Variants in FAAH2 observed in about 807,000 individuals in gnomAD.
FAAH2 encodes the protein fatty acid amide hydrolase 2.
FAAH2 carries 60 observed loss-of-function variants against 36.9 expected under a neutral mutation model. The ratio of observed to expected loss-of-function variants is 1.63; its 90% CI spans 1.32 to 2.02. The LOEUF (loss-of-function observed/expected upper bound fraction) is 2.02. FAAH2 is among the 30% of genes most tolerant of loss of function. The pLI, the probability that FAAH2 is intolerant of heterozygous loss-of-function variation, is 0.00. For missense variants in FAAH2, 689 were observed against 397.5 expected (o/e 1.73, Z -6.23); for synonymous variants, 214 against 143.8 (o/e 1.49, Z -3.49).
chrX:57,313,133 G>T (rs774728244), intron 3 of FAAH2, among the ~76,000 whole-genome samples: 1 of 91,847 alleles, frequency 1.1e-5, no homozygotes, highest in African/African-American at 3.8e-5. Flanking sequence ...GCTGAGGAAA[G>T]AATCCAATCC....
the FAAH2 span, among the ~76,000 whole-genome samples, chrX:57,258,084 G>A: frequency 2.7e-5 from 3 of 111,549 alleles, no homozygotes; most frequent in East Asian, 2.8e-4. Context: ...CATGGTACTG[G>A]CATAAAAACA....
chrX:57,257,211 T>C, the FAAH2 span, among the ~76,000 whole-genome samples: 1 of 112,201 alleles, frequency 8.9e-6, no homozygotes, highest in Non-Finnish European at 1.9e-5. Flanking sequence ...CAAACAATTA[T>C]AAATCATTTT....
At chrX:57,236,562 T>C in the FAAH2 span, among the ~76,000 whole-genome samples, 1 of 112,183 alleles carries the variant, frequency 8.9e-6, no homozygotes, top group Admixed American at 9.4e-5. Context: ...TATCTCATTG[T>C]GGTTTTGATT....
At chrX:57,268,066 G>A in the FAAH2 span, among the ~76,000 whole-genome samples, 3 of 111,990 alleles carry the variant, frequency 2.7e-5, no homozygotes, top group Admixed American at 9.5e-5. Context: ...AGCTATAGGA[G>A]TACACTGTAA....
intron 7 of FAAH2, among the ~76,000 whole-genome samples, chrX:57,399,675 C>T (rs1402811418): frequency 8.9e-6 from 1 of 112,115 alleles, no homozygotes; most frequent in Non-Finnish European, 1.9e-5. Flanking sequence ...GATTTCTGTG[C>T]AGCCAATAAT....
At chrX:57,200,513 G>A in the FAAH2 span, among the ~76,000 whole-genome samples, 1 of 109,677 alleles carries the variant, frequency 9.1e-6, no homozygotes, top group Admixed American at 9.7e-5. Context: ...CGAATAGCTG[G>A]AATTACAGGC....
chrX:57,185,037 G>A, the FAAH2 span, among the ~76,000 whole-genome samples: 1 of 111,029 alleles, frequency 9.0e-6, no homozygotes, highest in Non-Finnish European at 1.9e-5. Flanking sequence ...CATCAGTAAA[G>A]TGGGGTATCC....
chrX:57,452,394 T>C, intron 10 of FAAH2: 1 of 710,389 alleles, frequency 1.4e-6, no homozygotes, highest in South Asian at 7.2e-5. Context: ...CAGCATTCTT[T>C]TTCTCTGAGA....
the FAAH2 span, among the ~76,000 whole-genome samples, chrX:57,182,103 G>A: frequency 8.9e-6 from 1 of 112,045 alleles, no homozygotes; most frequent in East Asian, 2.8e-4. Flanking sequence ...AGACTGAAGT[G>A]TAAAAACAAA....
chrX:57,140,221 G>C, the FAAH2 span, among the ~76,000 whole-genome samples: 1 of 110,000 alleles, frequency 9.1e-6, no homozygotes, highest in African/African-American at 3.3e-5. Context: ...CTTAGTTACA[G>C]TTCGTTTTTG....
At chrX:57,488,540 A>T (rs1042666822) in intron 10 of FAAH2, among the ~76,000 whole-genome samples, 8 of 111,710 alleles carry the variant, frequency 7.2e-5, no homozygotes, top group African/African-American at 2.6e-4. Flanking sequence ...CAGTCATTTC[A>T]TCAGAAAAAT....
At chrX:57,384,675 A>ACTCTC (rs2147243348) in intron 7 of FAAH2, among the ~76,000 whole-genome samples, 1 of 111,142 alleles carries the variant, frequency 9.0e-6, no homozygotes, top group South Asian at 3.9e-4. Context: ...TCAGGAAACA[A>ACTCTC]CAGGTGCTGG....
intron 10 of FAAH2, among the ~76,000 whole-genome samples, chrX:57,450,311 C>T (rs981856907): frequency 2.7e-5 from 3 of 109,724 alleles, no homozygotes; most frequent in African/African-American, 1.0e-4. Flanking sequence ...AAATTCTATA[C>T]ATTATCTCAT....
chrX:57,149,740 T>C, the FAAH2 span, among the ~76,000 whole-genome samples: 1 of 111,791 alleles, frequency 8.9e-6, no homozygotes, highest in Admixed American at 9.5e-5. Flanking sequence ...TGAAGGGATT[T>C]TTTTTTGTCT....
the FAAH2 span, among the ~76,000 whole-genome samples, chrX:57,243,304 G>A: frequency 2.7e-5 from 3 of 112,009 alleles, no homozygotes; most frequent in East Asian, 8.5e-4. Context: ...ACCTGGGAAA[G>A]GGGTGGCTGT....
chrX:57,248,212 A>G, the FAAH2 span, among the ~76,000 whole-genome samples: 2 of 112,333 alleles, frequency 1.8e-5, no homozygotes. Context: ...GCAAAATTGT[A>G]AGTGGAAACA....
rs2054768620 is a variant in FAAH2, at chrX:57,379,154, C to G, written c.878+368C>G. On this transcript the variant is annotated intron_variant, in intron 6 of 10. Transcript: ENST00000374900. ...TTCCAATCTCACCTAGGCATCAACG[C>G]TGCTTGGAAATTGGTTCCCTAGACA... Among the ~76,000 whole-genome samples the G allele has an allele frequency of 3.6e-5, 4 of 111,722 alleles. No individual in the cohort carries two copies. The South Asian group carries it at 1.5e-3, about 42-fold the overall frequency.
chrX:57,383,656 G>A (rs770744628), intron 7 of FAAH2, among the ~76,000 whole-genome samples: 2 of 111,322 alleles, frequency 1.8e-5, no homozygotes, highest in Non-Finnish European at 3.8e-5. Context: ...ACAAATTACT[G>A]CTCAATGAAA....
At chrX:57,403,461 C>T (rs899511451) in intron 7 of FAAH2, among the ~76,000 whole-genome samples, 32 of 112,622 alleles carry the variant, frequency 2.8e-4, no homozygotes, top group Non-Finnish European at 1.9e-4. Context: ...CACTCAGGGG[C>T]GAGTTCTAGA....
Sources: allele counts gnomAD v4.1 joint callset (sites outside exome capture counted in the v4.1 genomes callset), GRCh38; gene constraint gnomAD v4.1.1; transcripts MANE v1.5; gene names NCBI Gene and HGNC (gene_info 2026-07-23, HGNC 2026-07-21).